The following MRAS variants were observed in gnomAD, a reference collection of about 807,000 sequenced individuals.
The protein encoded by MRAS is ras-related protein M-Ras.
A neutral mutation model predicts 20.9 loss-of-function variants in MRAS; 4 were observed. The observed-to-expected ratio is 0.19, with a 90% CI of 0.09 to 0.44. The LOEUF is 0.44. Among genes scored for constraint, MRAS ranks in the 20% least tolerant of loss-of-function variants. The pLI is 0.99. For missense variants in MRAS, 154 were observed against 277.5 expected (o/e 0.56, Z 3.16); for synonymous variants, 98 against 102.9 (o/e 0.95, Z 0.29).
intron 1 of MRAS, among the ~76,000 whole-genome samples, chr3:138,363,553 C>A (rs998432876): frequency 7.2e-5 from 11 of 152,166 alleles, no homozygotes; most frequent in African/African-American, 2.7e-4. Context: ...GTGAGCCCCA[C>A]AGGCTGGGGC....
At chr3:138,350,432 T>G (rs1041691247) in intron 1 of MRAS, 1 of 152,138 alleles carries the variant, frequency 6.6e-6, no homozygotes, top group Non-Finnish European at 1.5e-5. Context: ...GCTCTGGGGT[T>G]TTTGAGGTCT....
intron 2 of MRAS, among the ~76,000 whole-genome samples, chr3:138,385,442 C>T (rs949521096): frequency 4.0e-5 from 6 of 150,650 alleles, no homozygotes; most frequent in African/African-American, 1.5e-4. Context: ...CCACTGTACC[C>T]AGCTTTATTT....
At chr3:138,366,799 C>T (rs2054568649) in intron 1 of MRAS, among the ~76,000 whole-genome samples, 1 of 152,220 alleles carries the variant, frequency 6.6e-6, no homozygotes, top group Non-Finnish European at 1.5e-5. Flanking sequence ...TCCTTCTGGG[C>T]ACCATTTTTC....
chr3:138,400,437 C>A (rs1371688421), intron 4 of MRAS, 97 bp from the exon 5 acceptor site: 37 of 1,091,454 alleles, frequency 3.4e-5, no homozygotes, highest in Non-Finnish European at 1.7e-5. Context: ...GTTTTGAAAG[C>A]ACCTGGGTTC....
intron 1 of MRAS, among the ~76,000 whole-genome samples, chr3:138,365,347 G>A (rs2108509587): frequency 6.6e-6 from 1 of 152,330 alleles, no homozygotes; most frequent in East Asian, 1.9e-4. Flanking sequence ...CCTGAGTCCT[G>A]TTTGGGAGGT....
intron 1 of MRAS, among the ~76,000 whole-genome samples, chr3:138,368,739 A>G (rs1471755021): frequency 6.6e-6 from 1 of 152,060 alleles, no homozygotes; most frequent in Non-Finnish European, 1.5e-5. Flanking sequence ...CAACCAACCA[A>G]CTTTTCATTC....
intron 1 of MRAS, among the ~76,000 whole-genome samples, chr3:138,365,579 C>T (rs548868544): frequency 7.2e-5 from 11 of 152,272 alleles, no homozygotes; most frequent in African/African-American, 2.6e-4. Flanking sequence ...AAGAAAAGCA[C>T]GGATTGGTAG....
intron 2 of MRAS, among the ~76,000 whole-genome samples, chr3:138,374,664 AG>A (rs1160459177): frequency 6.6e-6 from 1 of 152,130 alleles, no homozygotes; most frequent in Admixed American, 6.5e-5. Flanking sequence ...CTTGATCTTA[AG>A]GGGTAAGTGT....
intron 2 of MRAS, among the ~76,000 whole-genome samples, chr3:138,382,260 A>C (rs983351507): frequency 9.2e-5 from 14 of 152,202 alleles, no homozygotes; most frequent in African/African-American, 3.4e-4. Flanking sequence ...GCTCTCTGGT[A>C]GAAAGCCCTT....
chr3:138,373,955 T>C (rs2054728276), intron 2 of MRAS, among the ~76,000 whole-genome samples: 1 of 151,862 alleles, frequency 6.6e-6, no homozygotes, highest in Non-Finnish European at 1.5e-5. Context: ...GGTTTTTTTG[T>C]TTGTTTGTTT....
At chr3:138,377,864 C>T (rs552867630) in intron 2 of MRAS, among the ~76,000 whole-genome samples, 137 of 152,340 alleles carry the variant, frequency 9.0e-4, no homozygotes, top group African/African-American at 3.2e-3. Context: ...GTGGAAGGCC[C>T]GTGCTAAGCA....
intron 2 of MRAS, among the ~76,000 whole-genome samples, chr3:138,392,445 C>T (rs916944891): frequency 6.6e-6 from 1 of 152,186 alleles, no homozygotes; most frequent in Non-Finnish European, 1.5e-5. Context: ...TTAAGAGAGG[C>T]CTCTTCAAGT....
At position 138,360,553 on chromosome 3, in the gene MRAS, C is replaced by T. The variant is rs139230517; in HGVS notation, c.-19+11786C>T. ...GGGAATTTGGACAGCAAGGAAGGAC[C>T]CCTCATCGCCACTCCTCCTGCTGGG... On this transcript the variant is annotated intron_variant, in intron 1 of 5. Transcript: ENST00000423968. Among the ~76,000 whole-genome samples, 283 of 152,266 alleles carry T rather than the reference C, an allele frequency of 1.9e-3. 3 individuals carry two copies. The highest frequency in any genetic ancestry group is 2.8e-3 in the Non-Finnish European group (188 of 68,012).
chr3:138,364,046 C>T (rs1189921231), intron 1 of MRAS, among the ~76,000 whole-genome samples: 5 of 152,156 alleles, frequency 3.3e-5, no homozygotes, highest in Admixed American at 6.5e-5. Context: ...CTTTCATCCA[C>T]GTTCATTCAG....
intron 2 of MRAS, among the ~76,000 whole-genome samples, chr3:138,393,696 C>CT (rs1164188003): frequency 3.2e-3 from 409 of 128,872 alleles, no homozygotes; most frequent in African/African-American, 0.01. Flanking sequence ...CTGCTTTTTT[C>CT]TTTTTTTTTT....
intron 2 of MRAS, among the ~76,000 whole-genome samples, chr3:138,385,765 T>C (rs1046155169): frequency 2.0e-5 from 3 of 152,184 alleles, no homozygotes; most frequent in Non-Finnish European, 4.4e-5. Flanking sequence ...TCCACCTGCC[T>C]TGGCCTCCCA....
Position 138,370,814 on chromosome 3 carries a change from C to T in MRAS, c.-18-2052C>T, listed in dbSNP as rs3821693. On this transcript the variant is annotated intron_variant, in intron 1 of 5. Coordinates refer to ENST00000423968, the MANE Select transcript of MRAS (RefSeq NM_001085049.3). ...TGAAACATTAAGAAAATGAAAATGC[C>T]CTGAAATCTGCCTTAGAGACAACCA... Among the ~76,000 whole-genome samples, 77 of 152,144 alleles carry T rather than the reference C, an allele frequency of 5.1e-4. 1 individual carries two copies. The East Asian group carries it at 0.014, about 28-fold the overall frequency.
intron 1 of MRAS, among the ~76,000 whole-genome samples, chr3:138,366,824 G>A (rs1448791671): frequency 6.6e-6 from 1 of 152,208 alleles, no homozygotes; most frequent in Admixed American, 6.5e-5. Flanking sequence ...CCAGTACATA[G>A]GACACTGCTT....
chr3:138,367,539 G>T (rs2108512238), intron 1 of MRAS, among the ~76,000 whole-genome samples: 1 of 152,292 alleles, frequency 6.6e-6, no homozygotes, highest in Non-Finnish European at 1.5e-5. Flanking sequence ...TTATACTGGG[G>T]TGATCAGTCC....
Sources: gnomAD v4.1 joint callset for allele counts (sites outside exome capture counted in the v4.1 genomes callset) on GRCh38, gnomAD v4.1.1 for gene constraint, MANE v1.5 for transcripts, NCBI Gene and HGNC (gene_info 2026-07-23, HGNC 2026-07-21) for gene names.